BCO2: variants seen among roughly 807,000 people sequenced by gnomAD.
BCO2 encodes the protein carotenoid-cleaving dioxygenase, mitochondrial.
A neutral mutation model predicts 65.8 loss-of-function variants in BCO2; 56 were observed. The ratio of observed to expected loss-of-function variants is 0.85; its 90% CI spans 0.69 to 1.06. BCO2 has a LOEUF of 1.06. Among genes scored for constraint, BCO2 ranks in the 50% least tolerant of loss-of-function variants. The probability of loss-of-function intolerance (pLI) is 0.00; values close to 1 mark genes in which losing one functional copy is unlikely to be tolerated. For missense variants in BCO2, 675 were observed against 698.5 expected, an observed-to-expected ratio of 0.97 and a Z score of 0.38; for synonymous variants, 233 against 242.3, an observed-to-expected ratio of 0.96 and a Z score of 0.36.
At chr11:112,183,713 ATGAATATGG>A (rs1432749819) in intron 2 of BCO2, among the ~76,000 whole-genome samples, 5 of 152,240 alleles carry the variant, frequency 3.3e-5, no homozygotes, top group Non-Finnish European at 5.9e-5. Flanking sequence ...GTCACACTGT[ATGAATATGG>A]TGAGATCAGA....
chr11:112,192,518 C>CAA, intron 2 of BCO2, among the ~76,000 whole-genome samples: 1 of 151,856 alleles, frequency 6.6e-6, no homozygotes, highest in South Asian at 2.1e-4. Flanking sequence ...ATCATATGGA[C>CAA]AAAAATGATT....
chr11:112,193,604 A>G lies in BCO2; in HGVS notation c.424A>G (p.Ile142Val). ...CAACAGTGCTAAAAACCGAATTGTG[A>G]TCTCAGAATTTGGCACACTGGCTCT... ...KANSAKNRIVISEFGTLALPD... is the reference protein window; with the variant it reads ...KANSAKNRIVVSEFGTLALPD... The change falls in exon 3 of 12, where the codon ATC becomes GTC. Residue 142 changes from isoleucine to valine, a missense_variant. By Grantham distance (29) the Ile-to-Val change is conservative (BLOSUM62 3). Coordinates refer to ENST00000357685, the MANE Select transcript of BCO2 (RefSeq NM_031938.7). 1 of 1,614,192 alleles carries G rather than the reference A, an allele frequency of 6.2e-7. No homozygotes were observed. The highest frequency in any genetic ancestry group is 1.3e-5 in the African/African-American group (1 of 75,058).
rs143155611 is a variant in BCO2, at chr11:112,186,067, T to C, written c.293+6585T>C. Among the ~76,000 whole-genome samples, 329 of 152,128 alleles carry C rather than the reference T, an allele frequency of 2.2e-3. 1 individual carries two copies. The highest frequency in any genetic ancestry group is 3.8e-3 in the Non-Finnish European group (257 of 67,988). On this transcript the variant is annotated intron_variant, in intron 2 of 11. Coordinates refer to ENST00000357685, the MANE Select transcript of BCO2 (RefSeq NM_031938.7). ...CTGTTGTTGGAAACAGACCAAGAATTAGGGATGTTTAAAAAAAGATTATGA... is the reference window on the plus strand; with the variant it reads ...CTGTTGTTGGAAACAGACCAAGAATCAGGGATGTTTAAAAAAAGATTATGA...
intron 5 of BCO2, among the ~76,000 whole-genome samples, chr11:112,195,016 CTATCTATCT>C (rs1175493909): frequency 1.4e-4 from 20 of 142,862 alleles, no homozygotes; most frequent in Middle Eastern, 3.7e-3. Context: ...AGTTTTTGGT[CTATCTATCT>C]TATCTTGATC....
At chr11:112,186,838 A>G (rs959036105) in intron 2 of BCO2, among the ~76,000 whole-genome samples, 2 of 152,202 alleles carry the variant, frequency 1.3e-5, no homozygotes, top group African/African-American at 4.8e-5. Context: ...CAAAAAACAA[A>G]AATTAAACAA....
At chr11:112,196,930 C>G (rs1169488866) in intron 5 of BCO2, among the ~76,000 whole-genome samples, 6 of 146,196 alleles carry the variant, frequency 4.1e-5, no homozygotes, top group East Asian at 2.0e-4. Flanking sequence ...CCCTTCCCTT[C>G]CCTTCCCTTC....
Position 112,183,078 on chromosome 11 carries a change from T to A in BCO2, c.293+3596T>A. The A allele has an allele frequency of 4.9e-6, 6 of 1,213,758 alleles. No individual in the cohort carries two copies. In the South Asian group the frequency reaches 7.2e-5, roughly 15 times the overall value. The allele number at this position is 1,213,758 out of a possible 1,614,324, so 75.2% of individuals were successfully genotyped here. The stretch of plus-strand genomic sequence containing the variant: ...TCTGGCAGGAACTGATTTAGATAAC[T>A]GTGATCTGTGTGGGTGTGATCTTCA... On this transcript the variant is annotated intron_variant, in intron 2 of 11. Transcript: ENST00000357685.
intron 2 of BCO2, among the ~76,000 whole-genome samples, chr11:112,188,412 G>A (rs1867269775): frequency 6.6e-6 from 1 of 152,126 alleles, no homozygotes; most frequent in Admixed American, 6.5e-5. Context: ...TCTGTATGCT[G>A]TTCTTTGTAT....
Position 112,213,715 on chromosome 11 carries a change from C to T in BCO2, c.1195-9C>T, listed in dbSNP as rs767616832. On this transcript the variant is annotated splice_polypyrimidine_tract_variant and intron_variant, in intron 8 of 11. Coordinates refer to ENST00000357685, the MANE Select transcript of BCO2 (RefSeq NM_031938.7). The stretch of plus-strand genomic sequence containing the variant: ...TGACAATTTTCATCTCTTTCTTCTT[C>T]CCAAACAGGTCCATAATTCAGCAGC... The T allele has an allele frequency of 6.2e-7, 1 of 1,611,890 alleles. No individual in the cohort carries two copies. Among genetic ancestry groups the T allele is most frequent in the Non-Finnish European group, 8.5e-7 (1 of 1,178,560 alleles).
At chr11:112,214,968 T>C (rs749390505) in intron 10 of BCO2, 24 bp downstream of exon 10, 1 of 1,611,608 alleles carries the variant, frequency 6.2e-7, no homozygotes, top group East Asian at 2.2e-5. Context: ...CTTTCCTTTT[T>C]GAACTTTTCA....
chr11:112,207,950 T>C lies in BCO2; in HGVS notation c.1194+5760T>C, dbSNP rs1367571756. Among the ~76,000 whole-genome samples the C allele has an allele frequency of 2.8e-5, 3 of 109,044 alleles. No individual in the cohort carries two copies. In the East Asian group the frequency reaches 8.4e-4, roughly 31 times the overall value. The allele number at this position is 109,044 out of a possible 152,430, so 71.5% of individuals were successfully genotyped here. A position where few individuals can be genotyped will look rare whatever the true frequency, so the allele number is the denominator to read the frequency against. On this transcript the variant is annotated intron_variant, in intron 8 of 11. Transcript: ENST00000357685. ...TGCTTTCATTTTATGTTAGTGTTGCTATATAGCAATTTTTTTTTTTTGAGA... is the reference window on the plus strand; with the variant it reads ...TGCTTTCATTTTATGTTAGTGTTGCCATATAGCAATTTTTTTTTTTTGAGA...
intron 2 of BCO2, among the ~76,000 whole-genome samples, chr11:112,188,900 G>A (rs1341278097): frequency 6.6e-6 from 1 of 152,086 alleles, no homozygotes; most frequent in Non-Finnish European, 1.5e-5. Context: ...ATGAATGCAT[G>A]GAATGACAGG....
At chr11:112,187,026 A>G (rs921880437) in intron 2 of BCO2, among the ~76,000 whole-genome samples, 4 of 152,122 alleles carry the variant, frequency 2.6e-5, no homozygotes, top group Admixed American at 1.3e-4. Context: ...GCCACATACT[A>G]AGGCCACACT....
At chr11:112,215,992 C>G in intron 10 of BCO2, 1 of 484,052 alleles carries the variant, frequency 2.1e-6, no homozygotes, top group Non-Finnish European at 3.7e-6. Context: ...GCTCACTTGT[C>G]ACCAAGGGGA....
chr11:112,204,427 G>C (rs1335649530), intron 8 of BCO2, among the ~76,000 whole-genome samples: 1 of 152,126 alleles, frequency 6.6e-6, no homozygotes, highest in African/African-American at 2.4e-5. Flanking sequence ...ATATACCCAG[G>C]AGAGGGATTG....
At chr11:112,179,758 T>C (rs1291988579) in intron 2 of BCO2, 1 of 415,664 alleles carries the variant, frequency 2.4e-6, no homozygotes, top group African/African-American at 2.0e-5. Flanking sequence ...GACTGAGCTG[T>C]TTCCCCACAA....
intron 8 of BCO2, among the ~76,000 whole-genome samples, chr11:112,212,852 C>T (rs1368397891): frequency 6.6e-6 from 1 of 152,202 alleles, no homozygotes; most frequent in Non-Finnish European, 1.5e-5. Flanking sequence ...TCTGGACAAA[C>T]TACTGCAGAG....
chr11:112,181,537 C>T lies in BCO2; in HGVS notation c.293+2055C>T, dbSNP rs1867050733. ...CTTTGAACCCATTTTGAACTACTTG[C>T]ATCGTGGACAGCTCATTGTAAATGA... On this transcript the variant is annotated intron_variant, in intron 2 of 11. Transcript: ENST00000357685. The T allele has an allele frequency of 3.4e-5, 25 of 741,632 alleles. 2 individuals are homozygous for T. The Admixed American group carries it at 4.4e-4, about 13-fold the overall frequency. 45.9% of individuals were successfully genotyped at this position (741,632 alleles called of 1,614,324 possible).
chr11:112,176,165 A>T (rs1281766867), intron 1 of BCO2: 1 of 154,506 alleles, frequency 6.5e-6, no homozygotes, highest in Non-Finnish European at 1.4e-5. Context: ...CAGAAATCAT[A>T]CTAATATGCA....
Sources: gnomAD v4.1 joint callset for allele counts (sites outside exome capture counted in the v4.1 genomes callset) on GRCh38, gnomAD v4.1.1 for gene constraint, MANE v1.5 for transcripts, NCBI Gene and HGNC (gene_info 2026-07-23, HGNC 2026-07-21) for gene names.